The following WWOX variants were observed in gnomAD, a reference collection of about 807,000 sequenced individuals.
WWOX encodes the protein WW domain containing oxidoreductase.
In WWOX, 69 loss-of-function variants were observed where a neutral mutation model predicts 46.2. The observed-to-expected ratio is 1.49, with a 90% CI of 1.23 to 1.82. The LOEUF (loss-of-function observed/expected upper bound fraction) is 1.82. WWOX is among the 40% of genes most tolerant of loss of function. The pLI, the probability that WWOX is intolerant of heterozygous loss-of-function variation, is 0.00. For missense variants in WWOX, 919 were observed against 542.6 expected, an observed-to-expected ratio of 1.69 and a Z score of -6.89; for synonymous variants, 359 against 202.6, an observed-to-expected ratio of 1.77 and a Z score of -6.56.
Position 78,775,646 on chromosome 16 carries a change from C to T in WWOX, c.1056+342894C>T, listed in dbSNP as rs370125946. 2.8e-4 allele frequency among the ~76,000 whole-genome samples: 43 copies of T among 152,282 alleles called. No individual in the cohort carries two copies. In the East Asian group the frequency reaches 2.9e-3, roughly 10 times the overall value. On this transcript the variant is annotated intron_variant, in intron 8 of 8. Coordinates refer to ENST00000566780, the MANE Select transcript of WWOX (RefSeq NM_016373.4). ...CTCCAATGAGGATGAAAATGTCTTTCTTATAGATGGGACAGGAGCCTTAGT... is the reference window on the plus strand; with the variant it reads ...CTCCAATGAGGATGAAAATGTCTTTTTTATAGATGGGACAGGAGCCTTAGT...
rs1273387596 is a variant in WWOX at position 78,632,884 on chromosome 16, C to T, written c.1056+200132C>T. Among the ~76,000 whole-genome samples the T allele has an allele frequency of 2.0e-5, 3 of 151,974 alleles. No individual in the cohort carries two copies. In the South Asian group the frequency reaches 6.2e-4, roughly 32 times the overall value. On this transcript the variant is annotated intron_variant, in intron 8 of 8. Transcript: ENST00000566780. ...ACTTGGCCAAATTCTTGCCTGATCG[C>T]CTCTCCACCCCTGCTACGTGTAATA...
At chr16:79,079,607 C>T (rs758819195) in intron 8 of WWOX, among the ~76,000 whole-genome samples, 4 of 152,184 alleles carry the variant, frequency 2.6e-5, no homozygotes, top group Admixed American at 1.3e-4. Flanking sequence ...CTTAAATGTT[C>T]GGCTTTGACC....
chr16:78,957,438 C>G (rs1567437339), intron 8 of WWOX, among the ~76,000 whole-genome samples: 1 of 152,196 alleles, frequency 6.6e-6, no homozygotes, highest in Non-Finnish European at 1.5e-5. Context: ...CTGAACTTGT[C>G]AACAGCCAGT....
intron 6 of WWOX, among the ~76,000 whole-genome samples, chr16:78,409,498 A>G (rs186574799): frequency 8.5e-5 from 13 of 152,320 alleles, no homozygotes; most frequent in Admixed American, 4.6e-4. Flanking sequence ...ATTCCTTCCC[A>G]TAGCATAATG....
At chr16:78,890,536 T>G (rs779359847) in intron 8 of WWOX, 3 of 152,242 alleles carry the variant, frequency 2.0e-5, no homozygotes, top group Non-Finnish European at 4.4e-5. Context: ...GGTGCTGATG[T>G]CTTCACTTCC....
intron 8 of WWOX, among the ~76,000 whole-genome samples, chr16:78,516,682 C>G (rs1443529088): frequency 6.6e-6 from 1 of 152,188 alleles, no homozygotes; most frequent in African/African-American, 2.4e-5. Context: ...AGGGTATATA[C>G]TTTTGCACAG....
chr16:78,779,783 T>C (rs1234111750), intron 8 of WWOX, among the ~76,000 whole-genome samples: 1 of 152,070 alleles, frequency 6.6e-6, no homozygotes, highest in Non-Finnish European at 1.5e-5. Flanking sequence ...AGAGGTGGGA[T>C]CTAGACTGAG....
intron 8 of WWOX, among the ~76,000 whole-genome samples, chr16:78,546,977 A>G (rs2044048441): frequency 1.3e-5 from 2 of 151,758 alleles, no homozygotes; most frequent in South Asian, 4.2e-4. Flanking sequence ...AAATAGAAAA[A>G]ATTAGCTGGG....
chr16:79,083,868 AT>A (rs2048806745), intron 8 of WWOX, among the ~76,000 whole-genome samples: 3 of 152,076 alleles, frequency 2.0e-5, no homozygotes, highest in African/African-American at 7.2e-5. Context: ...TCATCCTCCT[AT>A]TTTGTTTTAA....
chr16:78,707,795 A>G (rs963267596), intron 8 of WWOX, among the ~76,000 whole-genome samples: 1 of 151,926 alleles, frequency 6.6e-6, no homozygotes, highest in Non-Finnish European at 1.5e-5. Flanking sequence ...AGGCAGGAGA[A>G]CTGCACTCTA....
At chr16:78,913,629 C>G (rs1369817034) in intron 8 of WWOX, among the ~76,000 whole-genome samples, 4 of 148,150 alleles carry the variant, frequency 2.7e-5, no homozygotes, top group South Asian at 2.2e-4. Context: ...CAAGCATTAC[C>G]CCAACCAATA....
intron 8 of WWOX, among the ~76,000 whole-genome samples, chr16:79,000,082 G>A (rs2151360504): frequency 6.6e-6 from 1 of 152,212 alleles, no homozygotes; most frequent in South Asian, 2.1e-4. Flanking sequence ...ATAAAAACCA[G>A]GATCCTTCAT....
At chr16:79,173,763 T>C (rs1019601682) in intron 8 of WWOX, among the ~76,000 whole-genome samples, 14 of 152,006 alleles carry the variant, frequency 9.2e-5, no homozygotes, top group Admixed American at 9.2e-4. Flanking sequence ...TAAAATAAAA[T>C]GACAGTTGGA....
At chr16:79,030,729 G>C (rs950006813) in intron 8 of WWOX, among the ~76,000 whole-genome samples, 8 of 152,088 alleles carry the variant, frequency 5.3e-5, no homozygotes, top group African/African-American at 1.7e-4. Flanking sequence ...CCGGTTGTTT[G>C]TGGCCATTAT....
intron 8 of WWOX, among the ~76,000 whole-genome samples, chr16:78,971,894 A>T: frequency 6.6e-6 from 1 of 152,106 alleles, no homozygotes; most frequent in East Asian, 1.9e-4. Flanking sequence ...CAGAATCGGG[A>T]TATTAGTGCA....
chr16:78,795,762 G>A (rs779864405), intron 8 of WWOX, among the ~76,000 whole-genome samples: 2 of 152,086 alleles, frequency 1.3e-5, no homozygotes, highest in African/African-American at 2.4e-5. Flanking sequence ...TGTAAATGGG[G>A]ACAATACTGA....
chr16:78,992,206 T>A (rs1476661997), intron 8 of WWOX, among the ~76,000 whole-genome samples: 1 of 152,198 alleles, frequency 6.6e-6, no homozygotes, highest in South Asian at 2.1e-4. Flanking sequence ...ACGATGTCAC[T>A]ATTCTTCTAG....
intron 7 of WWOX, among the ~76,000 whole-genome samples, chr16:78,427,692 G>A (rs1177453237): frequency 1.3e-5 from 2 of 152,048 alleles, no homozygotes; most frequent in African/African-American, 2.4e-5. Flanking sequence ...GTGGGAGGAT[G>A]GCTTGAGCCC....
intron 5 of WWOX, among the ~76,000 whole-genome samples, chr16:78,200,115 C>T (rs118149954): frequency 2.0e-5 from 3 of 152,186 alleles, no homozygotes; most frequent in Non-Finnish European, 4.4e-5. Flanking sequence ...TACTGAGTGT[C>T]GCCAAGAGAT....
Sources: allele counts gnomAD v4.1 joint callset (sites outside exome capture counted in the v4.1 genomes callset), GRCh38; gene constraint gnomAD v4.1.1; transcripts MANE v1.5; gene names NCBI Gene and HGNC (gene_info 2026-07-23, HGNC 2026-07-21).